Variants in RSRC2 observed in about 807,000 individuals in gnomAD.
RSRC2 encodes the protein arginine and serine rich coiled-coil 2.
A neutral mutation model predicts 61.3 loss-of-function variants in RSRC2; 5 were observed. The observed-to-expected ratio is 0.08, with a 90% CI of 0.04 to 0.17. The LOEUF (loss-of-function observed/expected upper bound fraction) is 0.17, where lower values mean the gene tolerates loss of function less well. Ranked by LOEUF, RSRC2 falls within the 10% of genes least tolerant of loss-of-function variation. RSRC2 has a pLI of 1.00. For synonymous variants in RSRC2, 202 were observed against 166.5 expected (o/e 1.21, Z -1.64); for missense variants, 381 against 518.8 (o/e 0.73, Z 2.58).
In RSRC2 at chr12:122,509,566, C is replaced by G. The variant is rs371595693; in HGVS notation, c.806-1119G>C. Among the ~76,000 whole-genome samples the G allele has an allele frequency of 7.9e-5, 12 of 151,770 alleles. No individual in the cohort carries two copies. In the East Asian group the frequency reaches 1.2e-3, roughly 15 times the overall value. On this transcript the variant is annotated intron_variant, in intron 7 of 9. Coordinates refer to ENST00000331738, the MANE Select transcript of RSRC2 (RefSeq NM_023012.6). ...GTATTTCCACTGTGATTGAGCAGTC[C>G]TCTGTAAAAAAAGACACCTCTGATT...
At chr12:122,514,268 G>GGT (rs1555213867) in intron 6 of RSRC2, among the ~76,000 whole-genome samples, 2 of 136,066 alleles carry the variant, frequency 1.5e-5, no homozygotes, top group African/African-American at 5.6e-5. Flanking sequence ...GTGTGTGTGT[G>GGT]TGTTTTTTTT....
At chr12:122,519,259 AG>A (rs1959148459) in intron 3 of RSRC2, 8 of 466,232 alleles carry the variant, frequency 1.7e-5, no homozygotes, top group Non-Finnish European at 3.1e-5. Context: ...TCAATACAAC[AG>A]AAACAATGAT....
Position 122,505,479 on chromosome 12 carries a change from T to G in RSRC2, c.*48A>C. ...CTGTTTGGTGAACAAGGACGTGACATCAGAACAAGAAGTCTATAAGTCCCA... is the reference window on the plus strand; with the variant it reads ...CTGTTTGGTGAACAAGGACGTGACAGCAGAACAAGAAGTCTATAAGTCCCA... On this transcript the variant is annotated 3_prime_UTR_variant, in exon 10 of 10. Transcript: ENST00000331738. The G allele has an allele frequency of 6.4e-7, 1 of 1,556,090 alleles. No homozygotes were observed. The highest frequency in any genetic ancestry group is 8.8e-7 in the Non-Finnish European group (1 of 1,135,968).
At chr12:122,518,592 CA>C (rs11417312) in intron 4 of RSRC2, among the ~76,000 whole-genome samples, 36 of 144,254 alleles carry the variant, frequency 2.5e-4, no homozygotes, top group Admixed American at 4.1e-4. Context: ...GACTCCGTGT[CA>C]AAAAAAAAAA....
At chr12:122,514,991 C>A in intron 6 of RSRC2, 114 bp downstream of exon 6, 1 of 1,140,698 alleles carries the variant, frequency 8.8e-7, no homozygotes. Flanking sequence ...AAATATGCCA[C>A]CATATTACTA....
At chr12:122,520,294 T>C (rs1438383472) in intron 3 of RSRC2, 3 of 329,362 alleles carry the variant, frequency 9.1e-6, no homozygotes, top group Admixed American at 4.3e-5. Context: ...CAGTTCTCTA[T>C]AGGAGCTTAG....
At position 122,521,404 on chromosome 12, in the gene RSRC2, C is replaced by T; in HGVS notation, c.188G>A (p.Ser63Asn). ...KSDNEGRKHR[S>N]RSRSKEGRRH... ...AATTACCTCTTTGCTTCTGCTCCGG[C>T]TCCTGTGTTTTCTTCCTTCATTATC... The change falls in exon 3 of 10, where the codon AGC (serine) becomes AAC (asparagine). Residue 63 changes from serine to asparagine, a missense_variant. By Grantham distance (46) the Ser-to-Asn change is conservative. Around this residue, in one of 4 missense-constraint regions of RSRC2, gnomAD observed 266 missense variants for 270.5 expected, o/e 0.98. Coordinates refer to ENST00000331738, the MANE Select transcript of RSRC2 (RefSeq NM_023012.6). The T allele has an allele frequency of 6.2e-7, 1 of 1,612,542 alleles. No individual in the cohort carries two copies. The highest frequency in any genetic ancestry group is 8.5e-7 in the Non-Finnish European group (1 of 1,179,076).
At chr12:122,517,646 T>C (rs1959039303) in intron 4 of RSRC2, among the ~76,000 whole-genome samples, 2 of 152,150 alleles carry the variant, frequency 1.3e-5, no homozygotes, top group Admixed American at 6.5e-5. Flanking sequence ...GTAAACCTAT[T>C]AACATGTCAA....
intron 6 of RSRC2, chr12:122,514,529 A>C (rs541093287): frequency 1.1e-5 from 10 of 922,376 alleles, no homozygotes; most frequent in Non-Finnish European, 9.0e-6. Flanking sequence ...GCCTCCCAAA[A>C]TGCCGGGATT....
At chr12:122,507,495 AAAT>A (rs1336586625) in intron 8 of RSRC2, among the ~76,000 whole-genome samples, 14 of 133,710 alleles carry the variant, frequency 1.0e-4, no homozygotes, top group Admixed American at 4.9e-4. Context: ...TTGTCATTGC[AAAT>A]AATGTCAAAA....
chr12:122,517,305 C>G lies in RSRC2; in HGVS notation c.524G>C (p.Arg175Pro). 1.2e-6 allele frequency: 2 copies of G among 1,614,078 alleles called. No individual in the cohort carries two copies. Among genetic ancestry groups the G allele is most frequent in the African/African-American group, 1.3e-5 (1 of 75,000 alleles). The change falls in exon 5 of 10, where the codon CGG becomes CCG. Residue 175 changes from arginine (R) to proline (P), a missense_variant. Arg to Pro is a moderately radical substitution (Grantham distance 103, BLOSUM62 -2). Around this residue, in one of 4 missense-constraint regions of RSRC2, gnomAD observed 266 missense variants for 270.5 expected, o/e 0.98. Coordinates refer to ENST00000331738, the MANE Select transcript of RSRC2 (RefSeq NM_023012.6). Reference protein sequence around the residue: ...SRSRSRERKRRIRSRSRSRSR... With the variant: ...SRSRSRERKRPIRSRSRSRSR... ...TCTTGAGCGGGAACGAGACCTGATC[C>G]GCCGTTTTCTTTCCCTGCTTCTGGA...
At chr12:122,514,117 A>G (rs1376502796) in intron 6 of RSRC2, among the ~76,000 whole-genome samples, 1 of 152,132 alleles carries the variant, frequency 6.6e-6, no homozygotes, top group African/African-American at 2.4e-5. Flanking sequence ...ACTGCAAACA[A>G]GTGCTTGGAT....
At position 122,505,436 on chromosome 12, in the gene RSRC2, T is replaced by C. The variant is rs1958055267; in HGVS notation, c.*91A>G. On this transcript the variant is annotated 3_prime_UTR_variant, in exon 10 of 10. Coordinates refer to ENST00000331738, the MANE Select transcript of RSRC2 (RefSeq NM_023012.6). ...TAAATTAAAGTCAATGCAACACCCA[T>C]GCAAGCTAGAGTGCTAGCTGTTTGG... The C allele has an allele frequency of 3.4e-6, 4 of 1,188,854 alleles. No homozygotes were observed. Among genetic ancestry groups the C allele is most frequent in the East Asian group, 2.3e-5 (1 of 42,576 alleles). 73.6% of individuals were successfully genotyped at this position (1,188,854 alleles called of 1,614,324 possible).
chr12:122,509,211 G>A (rs1002315587), intron 7 of RSRC2, among the ~76,000 whole-genome samples: 12 of 151,850 alleles, frequency 7.9e-5, no homozygotes, highest in Non-Finnish European at 1.6e-4. Context: ...CACTTTAGGA[G>A]GCCAAGACAG....
chr12:122,519,197 A>G, intron 3 of RSRC2, 168 bp from the exon 4 acceptor site: 1 of 566,844 alleles, frequency 1.8e-6, no homozygotes, highest in Non-Finnish European at 3.1e-6. Context: ...AGATGTAATT[A>G]CTATTTTTTT....
At chr12:122,520,634 A>AT (rs1264460875) in intron 3 of RSRC2, 2 of 1,234,506 alleles carry the variant, frequency 1.6e-6, no homozygotes, top group East Asian at 9.4e-5. Flanking sequence ...CAAAATAGTC[A>AT]TTTTCACAAA....
rs1304887456 is a variant in RSRC2 at position 122,522,245 on chromosome 12, C to G, written c.61G>C (p.Asp21His). 6.2e-7 allele frequency: 1 copy of G among 1,613,672 alleles called. No individual in the cohort carries two copies. The highest frequency in any genetic ancestry group is 1.1e-5 in the South Asian group (1 of 91,052). ...ACTTCTGACTGCTCTTTTTTCTTAT[C>G]TCTATCTGGTGATGTCTTTTCTGGG... ...LAPEKTSPDR[D>H]KKKEQSEVSV... is the part of the protein sequence containing the mutation. The change falls in exon 2 of 10, where the codon GAT (aspartate) becomes CAT (histidine). Residue 21 changes from aspartate (D) to histidine (H), a missense_variant. Transcript: ENST00000331738.
chr12:122,524,210 A>G (rs1017062000), intron 1 of RSRC2, among the ~76,000 whole-genome samples: 1 of 152,188 alleles, frequency 6.6e-6, no homozygotes, highest in African/African-American at 2.4e-5. Flanking sequence ...ATGCTGTATC[A>G]TTAAGGATGA....
In RSRC2 at chr12:122,518,865, A is replaced by C. The variant is rs1959116384; in HGVS notation, c.372T>G (p.Ser124Arg). ...RKERKSSRGRSHSRSRSRERR... is the reference protein window; with the variant it reads ...RKERKSSRGRRHSRSRSRERR... ...TTTCACGAGACCTAGATCTTGAGTG[A>C]CTTCTGCCTCTTGATGACTTTCTTT... Residue 124 changes from serine to arginine, a missense_variant, in exon 4 of 10, where the codon AGT becomes AGG. Around this residue, in one of 4 missense-constraint regions of RSRC2, gnomAD observed 266 missense variants for 270.5 expected, o/e 0.98. Coordinates refer to ENST00000331738, the MANE Select transcript of RSRC2 (RefSeq NM_023012.6). The C allele has an allele frequency of 6.2e-7, 1 of 1,613,960 alleles. No individual in the cohort carries two copies. The highest frequency in any genetic ancestry group is 1.7e-5 in the Admixed American group (1 of 59,996).
Sources: allele counts gnomAD v4.1 joint callset (sites outside exome capture counted in the v4.1 genomes callset), GRCh38; gene constraint gnomAD v4.1.1; regional missense constraint gnomAD v4.1.1; transcripts MANE v1.5; gene names NCBI Gene and HGNC (gene_info 2026-07-23, HGNC 2026-07-21).